BRINP3: variants seen among roughly 807,000 people sequenced by gnomAD.
BRINP3 encodes BMP/retinoic acid inducible neural specific 3.
A neutral mutation model predicts 71.0 loss-of-function variants in BRINP3; 19 were observed. That is an observed-to-expected ratio of 0.27 (90% CI 0.19 to 0.39). The LOEUF is 0.39. BRINP3 is among the 10% of genes least tolerant of loss of function. The pLI is 1.00. For synonymous variants in BRINP3, 380 were observed against 337.7 expected (o/e 1.13, Z -1.37); for missense variants, 959 against 940.8 (o/e 1.02, Z -0.25).
At chr1:190,405,136 G>A (rs902651139) in intron 2 of BRINP3, among the ~76,000 whole-genome samples, 51 of 151,938 alleles carry the variant, frequency 3.4e-4, no homozygotes, top group African/African-American at 1.2e-3. Context: ...TTATTTTGTA[G>A]TAATAAAAAA....
At chr1:190,252,319 A>T (rs1056282191) in intron 4 of BRINP3, among the ~76,000 whole-genome samples, 2 of 152,090 alleles carry the variant, frequency 1.3e-5, no homozygotes, top group African/African-American at 4.8e-5. Context: ...ACTGGAGACC[A>T]TGATGTAGAA....
At chr1:190,445,495 A>T (rs1486220695) in intron 2 of BRINP3, among the ~76,000 whole-genome samples, 1 of 152,110 alleles carries the variant, frequency 6.6e-6, no homozygotes, top group Non-Finnish European at 1.5e-5. Flanking sequence ...GAAACATCAT[A>T]ATGCAAATCA....
At chr1:190,265,910 A>T (rs1661620241) in intron 3 of BRINP3, among the ~76,000 whole-genome samples, 1 of 152,166 alleles carries the variant, frequency 6.6e-6, no homozygotes, top group Admixed American at 6.5e-5. Context: ...CCTGCATAGG[A>T]TATATTGAAA....
chr1:190,294,262 CTTT>C (rs3076717), intron 2 of BRINP3, among the ~76,000 whole-genome samples: 22 of 141,146 alleles, frequency 1.6e-4, no homozygotes, highest in Non-Finnish European at 1.4e-4. Flanking sequence ...CTCAAAATAC[CTTT>C]TTTTTTTTTT....
chr1:190,257,911 T>C (rs1490184790), intron 4 of BRINP3, among the ~76,000 whole-genome samples: 2 of 152,060 alleles, frequency 1.3e-5, no homozygotes, highest in Non-Finnish European at 2.9e-5. Context: ...TACTGGGAGG[T>C]GTCTCTCAGT....
intron 2 of BRINP3, among the ~76,000 whole-genome samples, chr1:190,397,988 C>G (rs529979382): frequency 1.3e-5 from 2 of 151,996 alleles, no homozygotes; most frequent in South Asian, 4.1e-4. Context: ...TCAGTGAAGA[C>G]TTTATTTTTG....
At chr1:190,151,950 G>A (rs529278003) in intron 7 of BRINP3, among the ~76,000 whole-genome samples, 1 of 152,224 alleles carries the variant, frequency 6.6e-6, no homozygotes, top group African/African-American at 2.4e-5. Context: ...AGGCATTTAA[G>A]GAAGTAGAAA....
At chr1:190,293,680 C>T (rs1311485316) in intron 2 of BRINP3, among the ~76,000 whole-genome samples, 1 of 152,120 alleles carries the variant, frequency 6.6e-6, no homozygotes, top group Non-Finnish European at 1.5e-5. Flanking sequence ...ATTAAATTTG[C>T]TTTACATATT....
intron 2 of BRINP3, among the ~76,000 whole-genome samples, chr1:190,417,410 CAATAT>C (rs1032976307): frequency 6.6e-6 from 1 of 152,018 alleles, no homozygotes; most frequent in Non-Finnish European, 1.5e-5. Flanking sequence ...TCGATCAATA[CAATAT>C]ACCTATTATC....
At chr1:190,459,737 G>A (rs1676256965) in intron 1 of BRINP3, among the ~76,000 whole-genome samples, 1 of 151,808 alleles carries the variant, frequency 6.6e-6, no homozygotes, top group Non-Finnish European at 1.5e-5. Context: ...TATTCTCTCA[G>A]GAACTAAAAC....
chr1:190,137,294 G>A (rs993290126), intron 7 of BRINP3, among the ~76,000 whole-genome samples: 6 of 151,954 alleles, frequency 3.9e-5, no homozygotes, highest in African/African-American at 9.7e-5. Flanking sequence ...CAGTTTATCC[G>A]GTTTTTATTT....
intron 2 of BRINP3, among the ~76,000 whole-genome samples, chr1:190,350,878 A>G (rs1478153862): frequency 6.6e-6 from 1 of 150,960 alleles, no homozygotes; most frequent in Non-Finnish European, 1.5e-5. Context: ...GCTAGAATGC[A>G]ATGGTGCAAA....
At chr1:190,225,979 A>G (rs1029755657) in intron 6 of BRINP3, 103 bp downstream of exon 6, 11 of 784,304 alleles carry the variant, frequency 1.4e-5, no homozygotes, top group Non-Finnish European at 2.0e-5. Context: ...AAAAATGAAA[A>G]TCTTTCCAAC....
At chr1:190,439,041 T>A (rs1228220315) in intron 2 of BRINP3, among the ~76,000 whole-genome samples, 1 of 151,918 alleles carries the variant, frequency 6.6e-6, no homozygotes, top group Admixed American at 6.6e-5. Context: ...ATTCTTTCTA[T>A]CTATTGTGTC....
chr1:190,233,896 A>T (rs574712124), intron 5 of BRINP3, among the ~76,000 whole-genome samples: 7 of 152,328 alleles, frequency 4.6e-5, no homozygotes, highest in East Asian at 3.9e-4. Context: ...TATGAATATA[A>T]ATATTTTGTT....
At chr1:190,141,555 C>CTTTTTTTTTTTTTTT (rs35090212) in intron 7 of BRINP3, among the ~76,000 whole-genome samples, 18 of 82,402 alleles carry the variant, frequency 2.2e-4, no homozygotes, top group Non-Finnish European at 2.8e-4. Flanking sequence ...TCTTTCTTTC[C>CTTTTTTTTTTTTTTT]TTTTTTTTTT....
chr1:190,408,085 G>C (rs1007272425), intron 2 of BRINP3, among the ~76,000 whole-genome samples: 1 of 130,212 alleles, frequency 7.7e-6, no homozygotes, highest in Non-Finnish European at 1.6e-5. Context: ...GCAGTGGCAC[G>C]ATCTCGGCTC....
rs531761703 is a variant in BRINP3, at chr1:190,119,906, A to G, written c.1185-20772T>C. Among the ~76,000 whole-genome samples, 4 of 152,324 alleles carry G rather than the reference A, an allele frequency of 2.6e-5. No individual in the cohort carries two copies. The East Asian group carries it at 7.7e-4, about 29-fold the overall frequency. On this transcript the variant is annotated intron_variant, in intron 7 of 7. Coordinates refer to ENST00000367462, the MANE Select transcript of BRINP3 (RefSeq NM_199051.3). ...CTACTCCTCACAGGGGTGTGGCCAG[A>G]GCCATACTCAGCATCTACAGATCCT...
chr1:190,107,830 T>C lies in BRINP3; in HGVS notation c.1185-8696A>G, dbSNP rs142060651. ...ACAGTGAACACTCTTAAAAACTCTTTTACTGGGGAAAATCAAATAATTATG... is the reference window on the plus strand; with the variant it reads ...ACAGTGAACACTCTTAAAAACTCTTCTACTGGGGAAAATCAAATAATTATG... On this transcript the variant is annotated intron_variant, in intron 7 of 7. Coordinates refer to ENST00000367462, the MANE Select transcript of BRINP3 (RefSeq NM_199051.3). 6.6e-5 allele frequency among the ~76,000 whole-genome samples: 10 copies of C among 151,906 alleles called. No homozygotes were observed. In the East Asian group the frequency reaches 1.4e-3, roughly 21 times the overall value.
Sources: allele counts gnomAD v4.1 joint callset (sites outside exome capture counted in the v4.1 genomes callset), GRCh38; gene constraint gnomAD v4.1.1; transcripts MANE v1.5; gene names NCBI Gene and HGNC (gene_info 2026-07-23, HGNC 2026-07-21).